The following FCMR variants were observed in gnomAD, a reference collection of about 807,000 sequenced individuals.
FCMR encodes Fc mu receptor, also known as immunoglobulin mu Fc receptor.
A neutral mutation model predicts 41.6 loss-of-function variants in FCMR; 34 were observed. The observed-to-expected ratio is 0.82, with a 90% CI of 0.62 to 1.09. FCMR has a LOEUF of 1.09. Among genes scored for constraint, FCMR ranks in the 50% least tolerant of loss-of-function variants. FCMR has a pLI of 0.00. For synonymous variants in FCMR, 209 were observed against 211.8 expected, an observed-to-expected ratio of 0.99 and a Z score of 0.12; for missense variants, 496 against 512.5, an observed-to-expected ratio of 0.97 and a Z score of 0.31.
chr1:206,915,080 C>T (rs984423700), intron 1 of FCMR, among the ~76,000 whole-genome samples: 2 of 152,218 alleles, frequency 1.3e-5, no homozygotes, highest in African/African-American at 4.8e-5. Flanking sequence ...ATCCATCTAG[C>T]CATTCATCCA....
chr1:206,905,939 A>T (rs1678619374), intron 7 of FCMR: 2 of 176,738 alleles, frequency 1.1e-5, no homozygotes, highest in Non-Finnish European at 2.5e-5. Context: ...TCAGTCAAGG[A>T]AGTAAGAAGC....
intron 1 of FCMR, among the ~76,000 whole-genome samples, chr1:206,917,316 TG>T (rs1679236374): frequency 6.6e-6 from 1 of 152,114 alleles, no homozygotes; most frequent in South Asian, 2.1e-4. Flanking sequence ...AGAGCTGGCC[TG>T]TGATTTTTAT....
At chr1:206,920,645 T>G (rs1027082695) in intron 1 of FCMR, among the ~76,000 whole-genome samples, 1 of 152,112 alleles carries the variant, frequency 6.6e-6, no homozygotes, top group Admixed American at 6.5e-5. Context: ...GGAGTGTATA[T>G]TGACTTCAGT....
At chr1:206,912,670 C>T (rs1678994685) in intron 3 of FCMR, among the ~76,000 whole-genome samples, 2 of 152,212 alleles carry the variant, frequency 1.3e-5, no homozygotes, top group African/African-American at 4.8e-5. Flanking sequence ...GCACAAACAT[C>T]ATTGCTTGTG....
chr1:206,918,515 CT>C (rs1430173287), intron 1 of FCMR, among the ~76,000 whole-genome samples: 3 of 152,292 alleles, frequency 2.0e-5, no homozygotes, highest in Admixed American at 2.0e-4. Flanking sequence ...ATATGCCAAA[CT>C]TAGGACAGCT....
intron 1 of FCMR, among the ~76,000 whole-genome samples, chr1:206,918,479 G>A (rs540435407): frequency 1.3e-5 from 2 of 152,158 alleles, no homozygotes; most frequent in African/African-American, 4.8e-5. Context: ...ACATCTCCAC[G>A]TGGACCCTAC....
chr1:206,920,104 C>G (rs1490715497), intron 1 of FCMR, among the ~76,000 whole-genome samples: 2 of 152,114 alleles, frequency 1.3e-5, no homozygotes, highest in East Asian at 1.9e-4. Flanking sequence ...GAAGAGGGGG[C>G]TCAGGAATGT....
intron 1 of FCMR, chr1:206,917,881 G>T (rs936345924): frequency 8.9e-6 from 4 of 448,854 alleles, no homozygotes. Flanking sequence ...GCCTCCCAAA[G>T]TGTTGGGATT....
At chr1:206,912,227 G>A (rs937757482) in intron 3 of FCMR, among the ~76,000 whole-genome samples, 4 of 152,056 alleles carry the variant, frequency 2.6e-5, no homozygotes, top group Admixed American at 6.5e-5. Flanking sequence ...AACCTTTTTT[G>A]TAGTTCTATT....
intron 1 of FCMR, among the ~76,000 whole-genome samples, chr1:206,920,290 A>C (rs1679378516): frequency 6.6e-6 from 1 of 152,122 alleles, no homozygotes; most frequent in African/African-American, 2.4e-5. Context: ...CCCCGTCTCT[A>C]CTAAAAATAC....
chr1:206,911,996 C>A, intron 3 of FCMR, 44 bp from the exon 4 acceptor site: 1 of 1,455,824 alleles, frequency 6.9e-7, no homozygotes, highest in East Asian at 2.3e-5. Context: ...TTTATACACT[C>A]TATTCTCCAA....
intron 4 of FCMR, 131 bp from the exon 5 acceptor site, chr1:206,910,471 C>T (rs1295236289): frequency 1.6e-6 from 1 of 611,268 alleles, no homozygotes; most frequent in African/African-American, 1.9e-5. Flanking sequence ...AGAATTCACT[C>T]CACTCCCCCC....
intron 7 of FCMR, 71 bp from the exon 8 acceptor site, chr1:206,905,218 A>T: frequency 6.4e-7 from 1 of 1,554,018 alleles, no homozygotes; most frequent in Non-Finnish European, 8.8e-7. Context: ...GTGGATTTTC[A>T]TAGTGGGCAA....
In FCMR at chr1:206,903,957, G is replaced by A. The variant is rs1410346526; in HGVS notation, c.*1062C>T. 6.6e-6 allele frequency: 1 copy of A among 152,368 alleles called. No individual in the cohort carries two copies. The highest frequency in any genetic ancestry group is 6.5e-5 in the Admixed American group (1 of 15,292). The allele number at this position is 152,368 out of a possible 1,614,324, so 9.4% of individuals were successfully genotyped here. On this transcript the variant is annotated 3_prime_UTR_variant, in exon 8 of 8. Transcript: ENST00000367091. ...AGGCCTTCTTCCCAATAGCAAGGCT[G>A]TGCATCTAGCCTCAAGCTCTGGCTG...
intron 7 of FCMR, chr1:206,906,219 G>A (rs1008726851): frequency 1.3e-5 from 6 of 450,894 alleles, no homozygotes; most frequent in Admixed American, 5.1e-5. Flanking sequence ...TAGGAGAAAC[G>A]ATACACAAAG....
intron 3 of FCMR, 130 bp downstream of exon 3, chr1:206,912,798 AG>A (rs1484867010): frequency 4.4e-6 from 3 of 682,656 alleles, no homozygotes; most frequent in Non-Finnish European, 8.2e-6. Flanking sequence ...CTCTAAAGGC[AG>A]GGAATACACA....
chr1:206,916,736 T>C (rs1319818468), intron 1 of FCMR, among the ~76,000 whole-genome samples: 1 of 152,244 alleles, frequency 6.6e-6, no homozygotes, highest in African/African-American at 2.4e-5. Flanking sequence ...TATAAGCTAC[T>C]GGTTTAGACA....
In FCMR at chr1:206,909,550, G is replaced by C; in HGVS notation, c.986-30C>G. The C allele has an allele frequency of 7.6e-7, 1 of 1,316,924 alleles. No homozygotes were observed. The highest frequency in any genetic ancestry group is 9.7e-7 in the Non-Finnish European group (1 of 1,033,306). The allele number at this position is 1,316,924 out of a possible 1,614,324, so 81.6% of individuals were successfully genotyped here. On this transcript the variant is annotated intron_variant, in intron 6 of 7. Coordinates refer to ENST00000367091, the MANE Select transcript of FCMR (RefSeq NM_005449.5). The surrounding 1 kb of genome is among the most constrained non-coding windows in gnomAD (Gnocchi z 5.0). ...GGAACAGCGAGGGCGAGGTGAGGCG[G>C]CGGCCGAGGCTCCCGCCCCACCGTC...
At chr1:206,912,041 C>T (rs1678967378) in intron 3 of FCMR, 89 bp from the exon 4 acceptor site, 2 of 1,013,238 alleles carry the variant, frequency 2.0e-6, no homozygotes, top group African/African-American at 1.6e-5. Context: ...CACAACATAC[C>T]CTTCCCTTTT....
Sources: allele counts gnomAD v4.1 joint callset (sites outside exome capture counted in the v4.1 genomes callset), GRCh38; gene constraint gnomAD v4.1.1; non-coding constraint Gnocchi (gnomAD v3.1); transcripts MANE v1.5; gene names NCBI Gene and HGNC (gene_info 2026-07-23, HGNC 2026-07-21).